Variants in PPP1R1C observed in about 807,000 individuals in gnomAD.
The protein encoded by PPP1R1C is protein phosphatase 1 regulatory subunit 1C.
In PPP1R1C, 15 loss-of-function variants were observed where a neutral mutation model predicts 17.4. The observed-to-expected ratio is 0.86, with a 90% CI of 0.58 to 1.33. PPP1R1C has a LOEUF of 1.33. Among genes scored for constraint, PPP1R1C ranks in the 40% most tolerant of loss-of-function variants. The probability of loss-of-function intolerance (pLI) is 0.00; values close to 1 mark genes in which losing one functional copy is unlikely to be tolerated. For synonymous variants in PPP1R1C, 35 were observed against 43.1 expected, an observed-to-expected ratio of 0.81 and a Z score of 0.73; for missense variants, 143 against 130.0, an observed-to-expected ratio of 1.10 and a Z score of -0.48.
At chr2:182,002,880 C>A (rs573831680) in intron 2 of PPP1R1C, among the ~76,000 whole-genome samples, 80 of 150,848 alleles carry the variant, frequency 5.3e-4, no homozygotes, top group Non-Finnish European at 1.1e-3. Context: ...TTCTCACCTT[C>A]GTCTTCCATA....
chr2:182,091,136 T>G (rs1270908111), intron 4 of PPP1R1C, among the ~76,000 whole-genome samples: 1 of 152,088 alleles, frequency 6.6e-6, no homozygotes, highest in Non-Finnish European at 1.5e-5. Context: ...TTCACTTAAA[T>G]CTATGTAGGA....
chr2:182,127,076 T>C (rs1689892680), intron 5 of PPP1R1C, among the ~76,000 whole-genome samples: 1 of 152,056 alleles, frequency 6.6e-6, no homozygotes, highest in South Asian at 2.1e-4. Context: ...ATTAGAATCC[T>C]GAAAGTAACA....
rs546601782 is a variant in PPP1R1C at position 181,959,043 on chromosome 2, A to G, written n.111+4409A>G. On this transcript the variant is annotated intron_variant and non_coding_transcript_variant, in intron 1 of 5. Transcript: ENST00000464264. ...CACATATGTTAAGCGTTAGTATAAT[A>G]GATATTACCATATAGTTTCCCAAAG... is the stretch of plus-strand genomic sequence containing the variant. Among the ~76,000 whole-genome samples the G allele has an allele frequency of 1.8e-4, 27 of 152,378 alleles. No individual in the cohort carries two copies. The South Asian group carries it at 3.9e-3, about 22-fold the overall frequency.
At chr2:181,997,097 C>T (rs1310336502) in intron 2 of PPP1R1C, among the ~76,000 whole-genome samples, 1 of 151,990 alleles carries the variant, frequency 6.6e-6, no homozygotes, top group African/African-American at 2.4e-5. Context: ...GGCGCGGTGG[C>T]GGGCGCCTGT....
chr2:181,978,834 TGAGA>T (rs1459019205), intron 2 of PPP1R1C, among the ~76,000 whole-genome samples: 1 of 152,050 alleles, frequency 6.6e-6, no homozygotes, highest in African/African-American at 2.4e-5. Context: ...ATATGGGGAA[TGAGA>T]GAGATTGTTT....
intron 2 of PPP1R1C, among the ~76,000 whole-genome samples, chr2:182,056,349 T>G (rs1687684973): frequency 2.0e-5 from 3 of 152,356 alleles, no homozygotes; most frequent in Middle Eastern, 3.4e-3. Context: ...TTTTCTTGTA[T>G]TTATGGTCCT....
At chr2:182,100,863 A>G (rs1400013523) in intron 4 of PPP1R1C, among the ~76,000 whole-genome samples, 4 of 152,190 alleles carry the variant, frequency 2.6e-5, no homozygotes, top group Non-Finnish European at 5.9e-5. Flanking sequence ...AGACAGCAAG[A>G]TCATGGAGGA....
At chr2:182,028,598 C>A (rs1202750154) in intron 2 of PPP1R1C, among the ~76,000 whole-genome samples, 1 of 152,028 alleles carries the variant, frequency 6.6e-6, no homozygotes, top group Non-Finnish European at 1.5e-5. Context: ...AATCTCTGTT[C>A]TTTTACATTT....
intron 2 of PPP1R1C, among the ~76,000 whole-genome samples, chr2:182,041,609 CAAA>C (rs71405472): frequency 3.4e-5 from 2 of 58,462 alleles, no homozygotes; most frequent in Non-Finnish European, 3.8e-5. Context: ...GACTCTGTCT[CAAA>C]AAAAAAAAAA....
In PPP1R1C at chr2:181,961,801, T is replaced by G; in HGVS notation, n.111+7167T>G. On this transcript the variant is annotated intron_variant and non_coding_transcript_variant, in intron 1 of 5. Coordinates refer to the PPP1R1C transcript ENST00000464264. This position sits in a 1 kb window ranked among gnomAD's most constrained non-coding sequence, Gnocchi z 5.8. The stretch of plus-strand genomic sequence containing the variant: ...CACGGTCAACTCAGAGCTGGCAATC[T>G]GGGCTTGTAGGCCTTTTACTTCCTC... 4.6e-6 allele frequency: 6 copies of G among 1,316,864 alleles called. No individual in the cohort carries two copies. The South Asian group carries it at 7.0e-5, about 15-fold the overall frequency. 81.6% of individuals were successfully genotyped at this position (1,316,864 alleles called of 1,614,324 possible).
chr2:182,117,258 A>G lies in PPP1R1C; in HGVS notation c.293A>G (p.Glu98Gly), dbSNP rs1278091105. The stretch of plus-strand genomic sequence containing the variant: ...GAATCAGCATTCCCTGAAGAAGAAG[A>G]AGGCACCAATGAAAGAGAGGAGCAG... ...QNESAFPEEE[E>G]GTNEREEQRD... Residue 98 changes from glutamate to glycine, a missense_variant, in exon 5 of 5, where the codon GAA becomes GGA. Transcript: ENST00000682840. 10 of 1,564,858 alleles carry G rather than the reference A, an allele frequency of 6.4e-6. No homozygotes were observed. Among genetic ancestry groups the G allele is most frequent in the South Asian group, 2.4e-5 (2 of 84,582 alleles).
chr2:182,106,006 C>T (rs1266692097), intron 4 of PPP1R1C, among the ~76,000 whole-genome samples: 1 of 152,156 alleles, frequency 6.6e-6, no homozygotes, highest in African/African-American at 2.4e-5. Flanking sequence ...CTGTGTCATG[C>T]CTCTCTCCTA....
At chr2:181,969,717 TTGC>T (rs2125133272) in intron 1 of PPP1R1C, among the ~76,000 whole-genome samples, 1 of 152,322 alleles carries the variant, frequency 6.6e-6, no homozygotes, top group East Asian at 1.9e-4. Flanking sequence ...TCTCTCTACC[TTGC>T]CTTACAGCCA....
chr2:182,079,671 C>T (rs1177481335), intron 4 of PPP1R1C, among the ~76,000 whole-genome samples: 1 of 152,204 alleles, frequency 6.6e-6, no homozygotes, highest in Non-Finnish European at 1.5e-5. Flanking sequence ...TGGTACTTAA[C>T]ACAAAAGAAA....
intron 4 of PPP1R1C, among the ~76,000 whole-genome samples, chr2:182,098,436 G>A (rs1368276264): frequency 6.6e-6 from 1 of 152,064 alleles, no homozygotes; most frequent in Non-Finnish European, 1.5e-5. Context: ...AAGCTATTCT[G>A]TCTCAACACA....
chr2:181,988,917 T>A (rs1282989971), intron 2 of PPP1R1C, among the ~76,000 whole-genome samples: 1 of 152,160 alleles, frequency 6.6e-6, no homozygotes, highest in African/African-American at 2.4e-5. Context: ...TAATTATAAT[T>A]TGATCCTATA....
At chr2:182,113,127 T>C (rs1201286044) in intron 4 of PPP1R1C, among the ~76,000 whole-genome samples, 1 of 152,224 alleles carries the variant, frequency 6.6e-6, no homozygotes, top group Non-Finnish European at 1.5e-5. Context: ...GATGAAACTA[T>C]AGCTTTGACT....
At chr2:182,023,626 T>C (rs1686500048) in intron 2 of PPP1R1C, among the ~76,000 whole-genome samples, 1 of 152,032 alleles carries the variant, frequency 6.6e-6, no homozygotes, top group Non-Finnish European at 1.5e-5. Context: ...ATTAAATTAT[T>C]GATTTTTTTT....
At chr2:181,964,585 A>G (rs1684873074) in intron 1 of PPP1R1C, among the ~76,000 whole-genome samples, 2 of 152,168 alleles carry the variant, frequency 1.3e-5, no homozygotes, top group East Asian at 1.9e-4. Flanking sequence ...ATTCCCACCA[A>G]TGGGGTACAG....
Sources: allele counts gnomAD v4.1 joint callset (sites outside exome capture counted in the v4.1 genomes callset), GRCh38; gene constraint gnomAD v4.1.1; non-coding constraint Gnocchi (gnomAD v3.1); transcripts MANE v1.5; gene names NCBI Gene and HGNC (gene_info 2026-07-23, HGNC 2026-07-21).